CENPK: variants seen among roughly 807,000 people sequenced by gnomAD.
The protein encoded by CENPK is SoxLZ/Sox6-binding protein Solt.
Under a neutral mutation model 40.9 loss-of-function variants are expected in CENPK, and 46 were observed. The observed-to-expected ratio is 1.13, with a 90% CI of 0.89 to 1.44. The LOEUF (loss-of-function observed/expected upper bound fraction) is 1.44, where lower values mean the gene tolerates loss of function less well. Ranked by LOEUF, CENPK falls within the 40% of genes most tolerant of loss-of-function variation. The pLI is 0.00. For synonymous variants in CENPK, 107 were observed against 104.4 expected (o/e 1.02, Z -0.15); for missense variants, 288 against 303.5 (o/e 0.95, Z 0.38).
At chr5:65,503,109 T>A in the CENPK span, among the ~76,000 whole-genome samples, 1 of 119,082 alleles carries the variant, frequency 8.4e-6, no homozygotes, top group African/African-American at 3.0e-5. Context: ...ACCAATGTAA[T>A]ATTTTTTTTT....
chr5:65,520,363 C>T (rs1317677227), intron 10 of CENPK, among the ~76,000 whole-genome samples: 1 of 152,178 alleles, frequency 6.6e-6, no homozygotes, highest in Non-Finnish European at 1.5e-5. Flanking sequence ...GCCAATTAAA[C>T]TCCTTTTCCT....
chr5:65,540,983 A>AAACCGGGGTCAGGCATGTGG (rs1747868855), intron 6 of CENPK, among the ~76,000 whole-genome samples: 1 of 151,726 alleles, frequency 6.6e-6, no homozygotes, highest in African/African-American at 2.4e-5. Context: ...CACCACACAC[A>AAACCGGGGTCAGGCATGTGG]GAAGATTTTT....
At chr5:65,546,922 T>A (rs545897787) in intron 5 of CENPK, among the ~76,000 whole-genome samples, 18 of 152,340 alleles carry the variant, frequency 1.2e-4, no homozygotes, top group Admixed American at 1.3e-4. Context: ...ATATGGAAGT[T>A]ATTATTATAG....
At position 65,518,647 on chromosome 5, in the gene CENPK, TC is replaced by T. The variant is rs1561609667; in HGVS notation, c.652-15del. 10 of 1,516,120 alleles carry T rather than the reference TC, an allele frequency of 6.6e-6. No individual in the cohort carries two copies. The highest frequency in any genetic ancestry group is 6.3e-6 in the Non-Finnish European group (7 of 1,107,142). 93.9% of individuals were successfully genotyped at this position (1,516,120 alleles called of 1,614,324 possible). On this transcript the variant is annotated splice_polypyrimidine_tract_variant and intron_variant, in intron 10 of 10. Transcript: ENST00000396679. ...ATTTATAAGAATCTAGGAGAAAATA[TC>T]ATTCAAAATATACTTTACTTGGGAA...
the CENPK span, among the ~76,000 whole-genome samples, chr5:65,501,704 T>C: frequency 6.6e-6 from 1 of 152,172 alleles, no homozygotes; most frequent in Non-Finnish European, 1.5e-5. Flanking sequence ...CGTTCTCTGC[T>C]CAGGCTTTTT....
At chr5:65,513,157 T>C (rs927016873), downstream of CENPK, among the ~76,000 whole-genome samples, 2 of 152,200 alleles carry the variant, frequency 1.3e-5, no homozygotes, top group Non-Finnish European at 2.9e-5. Flanking sequence ...CACAGAGCGG[T>C]TTTTAATTTT....
At chr5:65,524,391 AAAAC>A (rs1744294252) in intron 9 of CENPK, among the ~76,000 whole-genome samples, 1 of 151,164 alleles carries the variant, frequency 6.6e-6, no homozygotes, top group Non-Finnish European at 1.5e-5. Context: ...ACTCAAAAAA[AAAAC>A]AAACAAAAAC....
At chr5:65,518,760 C>T in intron 10 of CENPK, 127 bp from the exon 11 acceptor site, 3 of 599,420 alleles carry the variant, frequency 5.0e-6, no homozygotes, top group Non-Finnish European at 8.4e-6. Flanking sequence ...TTTTAATCTA[C>T]AAATTTGAAT....
chr5:65,502,468 G>A, the CENPK span, among the ~76,000 whole-genome samples: 1 of 152,206 alleles, frequency 6.6e-6, no homozygotes, highest in Non-Finnish European at 1.5e-5. Flanking sequence ...AGAGAGGAGT[G>A]TGTCTACTCC....
At chr5:65,520,025 T>C (rs1346161693) in intron 10 of CENPK, among the ~76,000 whole-genome samples, 1 of 152,216 alleles carries the variant, frequency 6.6e-6, no homozygotes, top group African/African-American at 2.4e-5. Context: ...TGATATAGTT[T>C]AGGTGTGTCC....
intron 2 of CENPK, 154 bp from the exon 3 acceptor site, chr5:65,555,100 A>G (rs1024605172): frequency 1.3e-5 from 6 of 458,124 alleles, no homozygotes; most frequent in Non-Finnish European, 2.3e-5. Flanking sequence ...AACAGACAAT[A>G]AAATAAAAAA....
At chr5:65,526,121 G>A (rs368933822) in intron 9 of CENPK, among the ~76,000 whole-genome samples, 9 of 152,062 alleles carry the variant, frequency 5.9e-5, no homozygotes, top group East Asian at 1.9e-4. Context: ...TTAATGACCC[G>A]ATAATGGCTC....
intron 3 of CENPK, among the ~76,000 whole-genome samples, chr5:65,554,057 C>A (rs1401017379): frequency 6.6e-6 from 1 of 152,144 alleles, no homozygotes; most frequent in Non-Finnish European, 1.5e-5. Flanking sequence ...TCTGTTTTTA[C>A]ACATTTTCTT....
At chr5:65,514,234 TTTTTTTTTTTTTTTTTTTTTTTTTTTTAG>T (rs1236454205), downstream of CENPK, among the ~76,000 whole-genome samples, 29 of 16,522 alleles carry the variant, frequency 1.8e-3, no homozygotes, top group Non-Finnish European at 3.9e-3. Context: ...CATAATCTTT[TTTTTTTTTTTTTTTTTTTTTTTTTTTTAG>T]TTTTTTTTAG....
At chr5:65,544,571 T>C (rs971159938) in intron 5 of CENPK, among the ~76,000 whole-genome samples, 19 of 152,196 alleles carry the variant, frequency 1.2e-4, no homozygotes, top group Admixed American at 4.6e-4. Context: ...CAAAGAGAAC[T>C]GCACATCCAT....
At position 65,518,513 on chromosome 5, in the gene CENPK, C is replaced by A. The variant is rs772376049; in HGVS notation, c.772G>T (p.Asp258Tyr). 1.4e-5 allele frequency: 22 copies of A among 1,612,736 alleles called. No homozygotes were observed. Among genetic ancestry groups the A allele is most frequent in the Non-Finnish European group, 1.6e-5 (19 of 1,179,630 alleles). The change falls in exon 11 of 11, where the codon GAT (aspartate) becomes TAT (tyrosine). Residue 258 changes from aspartate to tyrosine, a missense_variant. Coordinates refer to ENST00000396679, the MANE Select transcript of CENPK (RefSeq NM_022145.5). ...RNGIALRHPE[D>Y]PTRIRLEAFH... ...GCTTCTAATCTTATTCGGGTTGGAT[C>A]TTCTGGATGTCTCAAGGCAATTCCA...
chr5:65,517,165 A>C (rs1208779315), downstream of CENPK, among the ~76,000 whole-genome samples: 2 of 152,018 alleles, frequency 1.3e-5, no homozygotes, highest in Non-Finnish European at 2.9e-5. Context: ...CTGGTCTCGA[A>C]CTCCTGACCT....
chr5:65,515,349 C>T (rs1412951526), downstream of CENPK, among the ~76,000 whole-genome samples: 1 of 151,808 alleles, frequency 6.6e-6, no homozygotes, highest in African/African-American at 2.4e-5. Context: ...ACTACAGGTG[C>T]CTGCCATCAC....
chr5:65,551,061 G>T, intron 5 of CENPK: 1 of 247,320 alleles, frequency 4.0e-6, no homozygotes, highest in South Asian at 3.7e-5. Flanking sequence ...GGGTAACATG[G>T]TGAAACCCCG....
Sources: gnomAD v4.1 joint callset for allele counts (sites outside exome capture counted in the v4.1 genomes callset) on GRCh38, gnomAD v4.1.1 for gene constraint, MANE v1.5 for transcripts, NCBI Gene and HGNC (gene_info 2026-07-23, HGNC 2026-07-21) for gene names.